LAMA2: variants seen among roughly 807,000 people sequenced by gnomAD.
LAMA2 encodes laminin subunit alpha 2.
A neutral mutation model predicts 364.8 loss-of-function variants in LAMA2; 269 were observed. That is an observed-to-expected ratio of 0.74 (90% CI 0.67 to 0.82). LAMA2 has a LOEUF of 0.82. LAMA2 is among the 40% of genes least tolerant of loss of function. LAMA2 has a pLI of 0.00. For missense variants in LAMA2, 3,807 were observed against 3,873.2 expected, an observed-to-expected ratio of 0.98 and a Z score of 0.45; for synonymous variants, 1,379 against 1,370.6, an observed-to-expected ratio of 1.01 and a Z score of -0.14.
intron 12 of LAMA2, among the ~76,000 whole-genome samples, chr6:129,244,697 C>A (rs1214972922): frequency 1.3e-5 from 2 of 152,034 alleles, no homozygotes; most frequent in African/African-American, 4.8e-5. Flanking sequence ...ATCCTTCATT[C>A]CTCAATTCAT....
At chr6:129,413,587 A>G (rs1171122963) in intron 40 of LAMA2, among the ~76,000 whole-genome samples, 1 of 152,188 alleles carries the variant, frequency 6.6e-6, no homozygotes, top group Non-Finnish European at 1.5e-5. Flanking sequence ...ACATCCTCTT[A>G]TCATAATGCA....
At chr6:129,133,132 T>C (rs899575178) in intron 4 of LAMA2, among the ~76,000 whole-genome samples, 1 of 152,194 alleles carries the variant, frequency 6.6e-6, no homozygotes, top group Non-Finnish European at 1.5e-5. Context: ...ATAAACCCAC[T>C]GAAGTGAAGA....
intron 12 of LAMA2, among the ~76,000 whole-genome samples, chr6:129,223,386 C>G (rs1272652458): frequency 1.2e-4 from 18 of 152,182 alleles, no homozygotes; most frequent in Admixed American, 1.2e-3. Context: ...GTTGCCCTTG[C>G]TTTTCGTGTT....
intron 12 of LAMA2, among the ~76,000 whole-genome samples, chr6:129,202,615 A>G (rs958653187): frequency 6.6e-6 from 1 of 152,144 alleles, no homozygotes. Context: ...AGTCCCTGTT[A>G]TTTTGTTGTA....
At chr6:129,066,207 G>A (rs1320092056) in intron 3 of LAMA2, among the ~76,000 whole-genome samples, 4 of 148,798 alleles carry the variant, frequency 2.7e-5, no homozygotes, top group African/African-American at 9.9e-5. Flanking sequence ...CACTACGCCC[G>A]GCTAATTTTT....
chr6:129,222,517 G>A (rs143873096), intron 12 of LAMA2, among the ~76,000 whole-genome samples: 12,896 of 115,042 alleles, frequency 0.11, 809 homozygotes, highest in East Asian at 0.29. Flanking sequence ...GACAGGCCCC[G>A]GTGTGTGATG....
chr6:128,990,753 G>A (rs566884071), intron 1 of LAMA2, among the ~76,000 whole-genome samples: 2 of 150,324 alleles, frequency 1.3e-5, no homozygotes, highest in East Asian at 4.0e-4. Context: ...TACTTTCATT[G>A]TGTGGGTGTG....
Position 129,287,946 on chromosome 6 carries a change from T to C in LAMA2, c.2637T>C (p.Cys879=), listed in dbSNP as rs2114420648. ...TTGACTTCTCCATCCCTGGCAGCTG[T>C]GACAGCTTGTCTGGCTCCTGTCTGA... ...DNLDFSIPGS[C]DSLSGSCLIC... The change falls in exon 19 of 65, where the codon TGT becomes TGC. Residue 879 remains cysteine, a synonymous_variant. Coordinates refer to ENST00000421865, the MANE Select transcript of LAMA2 (RefSeq NM_000426.4). 2.5e-6 allele frequency: 4 copies of C among 1,614,144 alleles called. No homozygotes were observed. Among genetic ancestry groups the C allele is most frequent in the Non-Finnish European group, 3.4e-6 (4 of 1,179,974 alleles).
At position 129,217,800 on chromosome 6, in the gene LAMA2, A is replaced by G. The variant is rs914835051; in HGVS notation, c.1782+24947A>G. Among the ~76,000 whole-genome samples the G allele has an allele frequency of 3.3e-5, 5 of 152,216 alleles. No homozygotes were observed. In the South Asian group the frequency reaches 8.3e-4, roughly 25 times the overall value. ...TATAATCTACTGTGGATAGTCATTC[A>G]TAGACAAAGACACCTCCTATTTATA... On this transcript the variant is annotated intron_variant, in intron 12 of 64. Coordinates refer to ENST00000421865, the MANE Select transcript of LAMA2 (RefSeq NM_000426.4).
At chr6:128,977,373 C>A (rs968584223) in intron 1 of LAMA2, among the ~76,000 whole-genome samples, 4 of 151,412 alleles carry the variant, frequency 2.6e-5, no homozygotes, top group African/African-American at 9.7e-5. Flanking sequence ...AATCCTTCCA[C>A]CTCCGCACCC....
Position 128,947,965 on chromosome 6 carries a change from TAAG to T in LAMA2, c.112+64609_112+64611del, listed in dbSNP as rs1283094406. Among the ~76,000 whole-genome samples, 5 of 151,988 alleles carry T rather than the reference TAAG, an allele frequency of 3.3e-5. No homozygotes were observed. In the East Asian group the frequency reaches 9.7e-4, roughly 29 times the overall value. ...GAAATATAGGTGACAGAATTAGCCT[TAAG>T]GAGGAGAAAGAAAAGATCTTTTGAG... On this transcript the variant is annotated intron_variant, in intron 1 of 64. Transcript: ENST00000421865.
At chr6:129,442,321 C>A in intron 43 of LAMA2, 1 of 800,788 alleles carries the variant, frequency 1.2e-6, no homozygotes, top group Non-Finnish European at 1.6e-6. Flanking sequence ...AACTTCAGAG[C>A]CAGGGTGAAA....
chr6:129,455,983 G>T (rs1403701523), intron 47 of LAMA2, among the ~76,000 whole-genome samples: 1 of 152,142 alleles, frequency 6.6e-6, no homozygotes, highest in Non-Finnish European at 1.5e-5. Context: ...TTGGTAAATA[G>T]TAAATTATTA....
At chr6:129,306,342 A>C (rs1283656069) in intron 22 of LAMA2, among the ~76,000 whole-genome samples, 2 of 130,746 alleles carry the variant, frequency 1.5e-5, no homozygotes, top group Non-Finnish European at 3.1e-5. Flanking sequence ...TTGTTCCAGA[A>C]AGGTGTTTTT....
chr6:128,910,149 C>T (rs188856469), intron 1 of LAMA2, among the ~76,000 whole-genome samples: 2,330 of 152,076 alleles, frequency 0.015, 58 homozygotes, highest in African/African-American at 0.054. Context: ...ATCTTTGTGG[C>T]CTTCTCTGTA....
At chr6:129,066,040 T>A (rs150397663) in intron 3 of LAMA2, among the ~76,000 whole-genome samples, 677 of 29,420 alleles carry the variant, frequency 0.023, 145 homozygotes, top group South Asian at 0.052. Flanking sequence ...AGTCTCAGGT[T>A]TTTTTTTTTT....
chr6:129,103,864 A>G (rs946898316), intron 4 of LAMA2, among the ~76,000 whole-genome samples: 2 of 152,154 alleles, frequency 1.3e-5, no homozygotes, highest in African/African-American at 4.8e-5. Context: ...TAACGTGGAC[A>G]GCAGTATCTA....
intron 8 of LAMA2, chr6:129,159,160 T>A: frequency 6.8e-7 from 1 of 1,481,214 alleles, no homozygotes; most frequent in Non-Finnish European, 9.4e-7. Flanking sequence ...TCACCTTTAG[T>A]AATTGGTCTT....
rs190175479 is a variant in LAMA2 at position 129,223,758 on chromosome 6, G to A, written c.1783-26354G>A. Among the ~76,000 whole-genome samples, 661 of 152,288 alleles carry A rather than the reference G, an allele frequency of 4.3e-3. 2 individuals are homozygous for A. The highest frequency in any genetic ancestry group is 0.025 in the South Asian group (123 of 4,824). Reference sequence around the variant, plus strand: ...TTGGTTACTGTAGCCTTGTAGTATAGTTTGAAGTCAGGTAGCATGATGCCT... The same window carrying A: ...TTGGTTACTGTAGCCTTGTAGTATAATTTGAAGTCAGGTAGCATGATGCCT... On this transcript the variant is annotated intron_variant, in intron 12 of 64. Coordinates refer to ENST00000421865, the MANE Select transcript of LAMA2 (RefSeq NM_000426.4).
Sources: allele counts gnomAD v4.1 joint callset (sites outside exome capture counted in the v4.1 genomes callset), GRCh38; gene constraint gnomAD v4.1.1; transcripts MANE v1.5; gene names NCBI Gene and HGNC (gene_info 2026-07-23, HGNC 2026-07-21).